CNIH3: variants seen among roughly 807,000 people sequenced by gnomAD.
CNIH3 encodes the protein protein cornichon homolog 3.
A neutral mutation model predicts 24.1 loss-of-function variants in CNIH3; 14 were observed. The ratio of observed to expected loss-of-function variants is 0.58; its 90% confidence interval spans 0.38 to 0.91. The LOEUF is 0.91. Among genes scored for constraint, CNIH3 ranks in the 40% least tolerant of loss-of-function variants. The pLI is 0.00. For synonymous variants in CNIH3, 68 were observed against 73.8 expected (o/e 0.92, Z 0.40); for missense variants, 178 against 196.8 (o/e 0.90, Z 0.57).
chr1:224,552,319 A>T (rs1467508829), intron 3 of CNIH3, among the ~76,000 whole-genome samples: 1 of 151,698 alleles, frequency 6.6e-6, no homozygotes, highest in Non-Finnish European at 1.5e-5. Flanking sequence ...GGAGAAATAT[A>T]TCCTCTCCCT....
At chr1:224,671,395 G>T (rs2125130615) in intron 1 of CNIH3, among the ~76,000 whole-genome samples, 1 of 152,288 alleles carries the variant, frequency 6.6e-6, no homozygotes, top group Admixed American at 6.5e-5. Context: ...CAGGACTCTG[G>T]TGCTAAGCCT....
chr1:224,586,491 T>A (rs958248984), intron 5 of CNIH3, among the ~76,000 whole-genome samples: 13 of 152,182 alleles, frequency 8.5e-5, no homozygotes, highest in African/African-American at 3.1e-4. Context: ...TCCCACAACA[T>A]GTGGGAATTC....
At chr1:224,658,538 G>T (rs1685202374) in intron 1 of CNIH3, among the ~76,000 whole-genome samples, 2 of 151,670 alleles carry the variant, frequency 1.3e-5, no homozygotes, top group African/African-American at 4.8e-5. Flanking sequence ...TAATACACCT[G>T]ATTTCACAAA....
intron 4 of CNIH3, among the ~76,000 whole-genome samples, chr1:224,568,247 G>A (rs185526093): frequency 2.0e-5 from 3 of 152,158 alleles, no homozygotes; most frequent in South Asian, 4.2e-4. Context: ...CCGAGATCAC[G>A]TCACTGCACT....
Position 224,448,450 on chromosome 1 carries a change from T to G in CNIH3, n.203+13588T>G, listed in dbSNP as rs1006977972. Among the ~76,000 whole-genome samples, 5 of 152,168 alleles carry G rather than the reference T, an allele frequency of 3.3e-5. No homozygotes were observed. In the South Asian group the frequency reaches 1.0e-3, roughly 31 times the overall value. On this transcript the variant is annotated intron_variant and non_coding_transcript_variant, in intron 1 of 5. Coordinates refer to the CNIH3 transcript ENST00000471578. ...AATGGAACAGGGGAGGTAATTATAA[T>G]TTGATCTTTAGATCAGATTCAGACT...
intron 3 of CNIH3, among the ~76,000 whole-genome samples, chr1:224,558,632 T>G (rs1275888029): frequency 6.6e-6 from 1 of 152,194 alleles, no homozygotes; most frequent in Non-Finnish European, 1.5e-5. Flanking sequence ...CTCCCACCAC[T>G]CCTCCTCCTT....
intron 1 of CNIH3, among the ~76,000 whole-genome samples, chr1:224,510,485 G>T (rs1243355188): frequency 1.3e-5 from 2 of 151,648 alleles, no homozygotes; most frequent in African/African-American, 4.8e-5. Context: ...AGCACTTTGG[G>T]AAGCTGAGAG....
At chr1:224,737,033 T>A (rs890177968) in intron 5 of CNIH3, among the ~76,000 whole-genome samples, 4 of 152,164 alleles carry the variant, frequency 2.6e-5, no homozygotes, top group African/African-American at 4.8e-5. Context: ...GCCAACAGAA[T>A]GAGACCATTG....
At chr1:224,607,347 C>G (rs1682474608) in intron 3 of CNIH3, among the ~76,000 whole-genome samples, 1 of 152,030 alleles carries the variant, frequency 6.6e-6, no homozygotes, top group Non-Finnish European at 1.5e-5. Context: ...CCCAGAGGGT[C>G]TGGGAGCTTC....
chr1:224,591,208 T>A (rs1384858649), downstream of CNIH3, among the ~76,000 whole-genome samples: 2 of 152,260 alleles, frequency 1.3e-5, no homozygotes, highest in African/African-American at 4.8e-5. Flanking sequence ...TTCTTCTAGC[T>A]GTGGTTGAAT....
intron 1 of CNIH3, among the ~76,000 whole-genome samples, chr1:224,670,436 G>T (rs1685808363): frequency 6.6e-6 from 1 of 152,170 alleles, no homozygotes; most frequent in Non-Finnish European, 1.5e-5. Context: ...AATTTGCCCA[G>T]CCCCATCCTT....
At chr1:224,492,993 A>G (rs1333367594) in intron 1 of CNIH3, among the ~76,000 whole-genome samples, 3 of 152,212 alleles carry the variant, frequency 2.0e-5, no homozygotes, top group East Asian at 3.8e-4. Context: ...AGAATGGAGG[A>G]CAGTGATCCA....
intron 1 of CNIH3, among the ~76,000 whole-genome samples, chr1:224,470,282 T>C (rs1676318630): frequency 6.6e-6 from 1 of 151,812 alleles, no homozygotes; most frequent in Admixed American, 6.6e-5. Context: ...CCTCCCGAAG[T>C]GTTGGGATTA....
At chr1:224,437,918 T>TG (rs1441330153) in intron 1 of CNIH3, among the ~76,000 whole-genome samples, 2 of 150,928 alleles carry the variant, frequency 1.3e-5, no homozygotes, top group African/African-American at 4.9e-5. Flanking sequence ...GGCAACTATT[T>TG]TTTTTTTTTT....
Position 224,568,095 on chromosome 1 carries a change from T to G in CNIH3, n.516+1831T>G, listed in dbSNP as rs200294109. Among the ~76,000 whole-genome samples, 6 of 152,122 alleles carry G rather than the reference T, an allele frequency of 3.9e-5. No individual in the cohort carries two copies. The East Asian group carries it at 7.8e-4, about 20-fold the overall frequency. ...TCACGAGGTCAGGAGATCAAGACCA[T>G]CCTGGCCAACATGGTAAAACCCCGT... On this transcript the variant is annotated intron_variant and non_coding_transcript_variant, in intron 4 of 5. Coordinates refer to the CNIH3 transcript ENST00000471578.
At chr1:224,556,226 C>T in intron 3 of CNIH3, among the ~76,000 whole-genome samples, 1 of 148,600 alleles carries the variant, frequency 6.7e-6, no homozygotes, top group East Asian at 2.0e-4. Context: ...TGGTGTCTGT[C>T]TATTTCACAT....
chr1:224,574,645 A>G lies in CNIH3; in HGVS notation n.516+8381A>G, dbSNP rs1368655732. The G allele has an allele frequency of 8.8e-6, 8 of 913,876 alleles. No homozygotes were observed. The Admixed American group carries it at 1.4e-4, about 16-fold the overall frequency. 56.6% of individuals were successfully genotyped at this position (913,876 alleles called of 1,614,324 possible). A position where few individuals can be genotyped will look rare whatever the true frequency, so the allele number is the denominator to read the frequency against. ...CTCAGGGAGCAGGTGGTGAAGTGTG[A>G]GGAGCTCTTCATCACCAGCAAGCTG... On this transcript the variant is annotated intron_variant and non_coding_transcript_variant, in intron 4 of 5. Transcript: ENST00000471578.
intron 5 of CNIH3, among the ~76,000 whole-genome samples, chr1:224,735,642 T>A (rs1358454697): frequency 7.1e-4 from 1 of 1,406 alleles, no homozygotes; most frequent in African/African-American, 8.1e-4. Context: ...GTCCAGCATT[T>A]TTTATTTTTT....
Position 224,570,870 on chromosome 1 carries a change from T to A in CNIH3, n.516+4606T>A, listed in dbSNP as rs114424171. On this transcript the variant is annotated intron_variant and non_coding_transcript_variant, in intron 4 of 5. Transcript: ENST00000471578. ...AGTCTATGTGAAACTGATGTTTGTGTTCAATAGGATAGATCCAATAGAAAT... is the reference window on the plus strand; with the variant it reads ...AGTCTATGTGAAACTGATGTTTGTGATCAATAGGATAGATCCAATAGAAAT... 5.0e-3 allele frequency among the ~76,000 whole-genome samples: 757 copies of A among 152,308 alleles called. 8 individuals carry two copies. Among genetic ancestry groups the A allele is most frequent in the African/African-American group, 0.017 (704 of 41,574 alleles).
Sources: gnomAD v4.1 joint callset for allele counts (sites outside exome capture counted in the v4.1 genomes callset) on GRCh38, gnomAD v4.1.1 for gene constraint, MANE v1.5 for transcripts, NCBI Gene and HGNC (gene_info 2026-07-23, HGNC 2026-07-21) for gene names.